The following PLEKHF2 variants were observed in gnomAD, a reference collection of about 807,000 sequenced individuals.
The protein encoded by PLEKHF2 is pleckstrin homology and FYVE domain containing 2, also known as pleckstrin homology domain-containing family F member 2.
PLEKHF2 carries 4 observed loss-of-function variants against 14.7 expected under a neutral mutation model. That is an observed-to-expected ratio of 0.27 (90% CI 0.13 to 0.62). PLEKHF2 has a LOEUF of 0.62. Ranked by LOEUF, PLEKHF2 falls within the 20% of genes least tolerant of loss-of-function variation. PLEKHF2 has a pLI of 0.85. For synonymous variants in PLEKHF2, 90 were observed against 103.5 expected (o/e 0.87, Z 0.79); for missense variants, 201 against 307.7 (o/e 0.65, Z 2.60).
At chr8:95,146,512 CT>C (rs76173940) in intron 1 of PLEKHF2, among the ~76,000 whole-genome samples, 429 of 136,856 alleles carry the variant, frequency 3.1e-3, no homozygotes, top group East Asian at 4.6e-3. Context: ...GATTCTGTGT[CT>C]TTTTTTTTTT....
chr8:95,150,608 AT>A (rs1810547490), intron 1 of PLEKHF2, among the ~76,000 whole-genome samples: 1 of 152,190 alleles, frequency 6.6e-6, no homozygotes, highest in African/African-American at 2.4e-5. Context: ...AGGGAGAAAG[AT>A]TTATGAACAA....
At chr8:95,143,886 T>TG (rs1487277334) in intron 1 of PLEKHF2, among the ~76,000 whole-genome samples, 27 of 152,308 alleles carry the variant, frequency 1.8e-4, no homozygotes, top group Non-Finnish European at 3.5e-4. Flanking sequence ...ATATTAATCT[T>TG]GCCTTGTGTA....
At chr8:95,148,892 G>A (rs556136179) in intron 1 of PLEKHF2, among the ~76,000 whole-genome samples, 1 of 152,152 alleles carries the variant, frequency 6.6e-6, no homozygotes, top group Admixed American at 6.5e-5. Context: ...TCTGATATCT[G>A]GATAGGGAAG....
chr8:95,145,666 T>C (rs992859029), intron 1 of PLEKHF2, among the ~76,000 whole-genome samples: 17 of 152,252 alleles, frequency 1.1e-4, no homozygotes, highest in East Asian at 1.9e-4. Context: ...CCTTGTGATC[T>C]GCCCACCTTG....
chr8:95,139,809 A>ATTTTTTTTTTTT (rs112242584), intron 1 of PLEKHF2, among the ~76,000 whole-genome samples: 1 of 139,464 alleles, frequency 7.2e-6, no homozygotes, highest in Non-Finnish European at 1.6e-5. Context: ...TTAGTCCTTG[A>ATTTTTTTTTTTT]TTTTTTTTTT....
chr8:95,156,535 G>A lies in PLEKHF2; in HGVS notation c.*1741G>A, dbSNP rs1276854416. On this transcript the variant is annotated 3_prime_UTR_variant, in exon 2 of 2. Coordinates refer to ENST00000315367, the MANE Select transcript of PLEKHF2 (RefSeq NM_024613.4). Reference sequence around the variant, plus strand: ...TAAAATCAACCAACATATCTGAAAAGGATCATGAAACCTGAGAAATGCTAA... The same window carrying A: ...TAAAATCAACCAACATATCTGAAAAAGATCATGAAACCTGAGAAATGCTAA... 1.2e-5 allele frequency: 2 copies of A among 166,936 alleles called. No homozygotes were observed. Among genetic ancestry groups the A allele is most frequent in the Non-Finnish European group, 2.9e-5 (2 of 68,086 alleles). 10.3% of individuals were successfully genotyped at this position (166,936 alleles called of 1,614,324 possible). A position where few individuals can be genotyped will look rare whatever the true frequency, so the allele number is the denominator to read the frequency against.
At chr8:95,150,075 G>A (rs1810539923) in intron 1 of PLEKHF2, among the ~76,000 whole-genome samples, 1 of 152,080 alleles carries the variant, frequency 6.6e-6, no homozygotes, top group Admixed American at 6.6e-5. Flanking sequence ...GTATCTAGCT[G>A]TAACCCAGAT....
intron 1 of PLEKHF2, among the ~76,000 whole-genome samples, chr8:95,144,215 C>T (rs1810468089): frequency 6.6e-6 from 1 of 152,126 alleles, no homozygotes; most frequent in Admixed American, 6.5e-5. Context: ...TTCCCTCTCT[C>T]CTACCTCTCT....
intron 1 of PLEKHF2, 113 bp from the exon 2 acceptor site, chr8:95,153,918 A>G (rs1810587637): frequency 1.3e-6 from 1 of 777,842 alleles, no homozygotes; most frequent in African/African-American, 1.8e-5. Context: ...AAAGAATTTT[A>G]GAACATTTTG....
chr8:95,138,065 G>A (rs1341825040), intron 1 of PLEKHF2, among the ~76,000 whole-genome samples: 1 of 151,774 alleles, frequency 6.6e-6, no homozygotes, highest in Non-Finnish European at 1.5e-5. Flanking sequence ...ACCTTTGCTG[G>A]GTGTAACTGG....
intron 1 of PLEKHF2, among the ~76,000 whole-genome samples, chr8:95,141,565 G>A (rs1330423919): frequency 6.6e-6 from 1 of 152,000 alleles, no homozygotes; most frequent in Non-Finnish European, 1.5e-5. Flanking sequence ...TTGCTCTGTG[G>A]TTCAGGCTGG....
chr8:95,148,399 C>T (rs1810524129), intron 1 of PLEKHF2, among the ~76,000 whole-genome samples: 1 of 151,898 alleles, frequency 6.6e-6, no homozygotes, highest in Non-Finnish European at 1.5e-5. Context: ...TAGATTTTAT[C>T]TAGACAAATA....
At chr8:95,136,329 TATATACACACACACACAC>T (rs1187390971) in intron 1 of PLEKHF2, among the ~76,000 whole-genome samples, 248 of 63,076 alleles carry the variant, frequency 3.9e-3, no homozygotes, top group African/African-American at 0.02. Flanking sequence ...GTTTTTATTA[TATATACACACACACACAC>T]ACACACACAC....
rs1001454783 is a variant in PLEKHF2 at position 95,154,337 on chromosome 8, A to G, written c.293A>G (p.Asn98Ser). The G allele has an allele frequency of 6.2e-7, 1 of 1,614,118 alleles. No individual in the cohort carries two copies. Among genetic ancestry groups the G allele is most frequent in the Non-Finnish European group, 8.5e-7 (1 of 1,179,962 alleles). The change falls in exon 2 of 2, where the codon AAT becomes AGT. Residue 98 changes from asparagine (N) to serine (S), a missense_variant. Physicochemically the swap from Asn to Ser is conservative, Grantham distance 46 (BLOSUM62 1). Transcript: ENST00000315367. This position sits in a 1 kb window ranked among gnomAD's most constrained non-coding sequence, Gnocchi z 5.6. Reference protein sequence around the residue: ...DSIKDEGDLRNGWLIKTPTKS... With the variant: ...DSIKDEGDLRSGWLIKTPTKS... ...ATCAAAGATGAGGGAGACTTAAGGA[A>G]TGGATGGCTAATCAAGACACCAACT...
At position 95,133,871 on chromosome 8, in the gene PLEKHF2, C is replaced by G. The variant is rs1226768791; in HGVS notation, c.-174C>G. 1 of 152,478 alleles carries G rather than the reference C, an allele frequency of 6.6e-6. No individual in the cohort carries two copies. 9.4% of individuals were successfully genotyped at this position (152,478 alleles called of 1,614,324 possible). On this transcript the variant is annotated 5_prime_UTR_variant, in exon 1 of 2. Transcript: ENST00000315367. ...GCGGCTGCGCTGGCGGCCAGCCCGC[C>G]CACCGCGTCTGGATCGCGCCGGCTG...
chr8:95,148,565 A>T (rs1392459237), intron 1 of PLEKHF2, among the ~76,000 whole-genome samples: 1 of 152,106 alleles, frequency 6.6e-6, no homozygotes, highest in Non-Finnish European at 1.5e-5. Context: ...ATTTAATACG[A>T]GAGTGACATC....
intron 1 of PLEKHF2, among the ~76,000 whole-genome samples, chr8:95,137,459 T>G (rs1213308418): frequency 6.6e-6 from 1 of 152,206 alleles, no homozygotes; most frequent in African/African-American, 2.4e-5. Flanking sequence ...TAAATCAGAA[T>G]TACTGGGTTT....
At chr8:95,136,992 C>T (rs1355231233) in intron 1 of PLEKHF2, among the ~76,000 whole-genome samples, 2 of 152,148 alleles carry the variant, frequency 1.3e-5, no homozygotes, top group Non-Finnish European at 2.9e-5. Flanking sequence ...CTAATGTGCT[C>T]AATTTAGGGA....
intron 1 of PLEKHF2, among the ~76,000 whole-genome samples, chr8:95,134,725 AT>A: frequency 6.6e-6 from 1 of 152,282 alleles, no homozygotes; most frequent in East Asian, 1.9e-4. Flanking sequence ...CATTCCAGCA[AT>A]AACTTGAGTG....
Sources: gnomAD v4.1 joint callset for allele counts (sites outside exome capture counted in the v4.1 genomes callset) on GRCh38, gnomAD v4.1.1 for gene constraint, Gnocchi (gnomAD v3.1) non-coding constraint, MANE v1.5 for transcripts, NCBI Gene and HGNC (gene_info 2026-07-23, HGNC 2026-07-21) for gene names.